ASAP2: variants seen among roughly 807,000 people sequenced by gnomAD.
The protein encoded by ASAP2 is ArfGAP with SH3 domain, ankyrin repeat and PH domain 2, also known as arf-GAP with SH3 domain, ANK repeat and PH domain-containing protein 2.
ASAP2 carries 45 observed loss-of-function variants against 131.4 expected under a neutral mutation model. The observed-to-expected ratio is 0.34, with a 90% CI of 0.27 to 0.44. The LOEUF (loss-of-function observed/expected upper bound fraction) is 0.44, where lower values mean the gene tolerates loss of function less well. ASAP2 is among the 20% of genes least tolerant of loss of function. The probability of loss-of-function intolerance (pLI) is 1.00; values close to 1 mark genes in which losing one functional copy is unlikely to be tolerated. For synonymous variants in ASAP2, 510 were observed against 503.0 expected (o/e 1.01, Z -0.19); for missense variants, 1,011 against 1,297.0 (o/e 0.78, Z 3.39).
intron 24 of ASAP2, 64 bp downstream of exon 24, chr2:9,393,711 C>G: frequency 6.8e-7 from 1 of 1,469,800 alleles, no homozygotes; most frequent in Non-Finnish European, 9.1e-7. Context: ...CTGCCCAGGG[C>G]TCTGCAGGAA....
At chr2:9,275,362 C>T (rs574489961) in intron 1 of ASAP2, among the ~76,000 whole-genome samples, 136 of 152,206 alleles carry the variant, frequency 8.9e-4, no homozygotes, top group African/African-American at 3.2e-3. Flanking sequence ...TGTGAGCTAC[C>T]GCATCCAGCC....
chr2:9,251,241 TCC>T lies in ASAP2; in HGVS notation c.127-28074_127-28073del, dbSNP rs1664684846. On this transcript the variant is annotated intron_variant, in intron 1 of 27. Coordinates refer to ENST00000281419, the MANE Select transcript of ASAP2 (RefSeq NM_003887.3). ...CAAGTAGAGGTGGGCCCTGTGGCTT[TCC>T]CTCTAGTCACTTGTCTTACAGAGAA... Among the ~76,000 whole-genome samples the T allele has an allele frequency of 2.0e-5, 3 of 152,192 alleles. No individual in the cohort carries two copies. In the South Asian group the frequency reaches 6.2e-4, roughly 32 times the overall value.
intron 1 of ASAP2, among the ~76,000 whole-genome samples, chr2:9,260,364 G>A (rs1558274905): frequency 6.6e-6 from 1 of 152,054 alleles, no homozygotes; most frequent in African/African-American, 2.4e-5. Flanking sequence ...GTGCACCTTC[G>A]GGCCCTCCCT....
At chr2:9,213,233 AGAT>A (rs1661732785) in intron 1 of ASAP2, among the ~76,000 whole-genome samples, 1 of 152,226 alleles carries the variant, frequency 6.6e-6, no homozygotes, top group South Asian at 2.1e-4. Flanking sequence ...CAGCCACAGA[AGAT>A]GTGGGAATAG....
rs762284748 is a variant in ASAP2 at position 9,356,313 on chromosome 2, G to A, written c.1295G>A (p.Gly432Asp). 2 of 1,610,422 alleles carry A rather than the reference G, an allele frequency of 1.2e-6. No individual in the cohort carries two copies. Among genetic ancestry groups the A allele is most frequent in the East Asian group, 2.2e-5 (1 of 44,876 alleles). ...EIISEVQRMTGNDVCCDCGAP... is the reference protein window; with the variant it reads ...EIISEVQRMTDNDVCCDCGAP... ...ATCTCAGAAGTGCAGAGGATGACGGGCAATGACGTCTGCTGTGACTGTGGG... is the reference window on the plus strand; with the variant it reads ...ATCTCAGAAGTGCAGAGGATGACGGACAATGACGTCTGCTGTGACTGTGGG... The change falls in exon 14 of 28, where the codon GGC becomes GAC. Residue 432 changes from glycine to aspartate, a missense_variant. Coordinates refer to ENST00000281419, the MANE Select transcript of ASAP2 (RefSeq NM_003887.3).
chr2:9,338,455 A>G (rs1226095300), intron 9 of ASAP2, among the ~76,000 whole-genome samples: 1 of 152,174 alleles, frequency 6.6e-6, no homozygotes, highest in Non-Finnish European at 1.5e-5. Flanking sequence ...CACCACAGCC[A>G]TAATTTTCTT....
chr2:9,228,169 G>A lies in ASAP2; in HGVS notation c.126+20939G>A, dbSNP rs137999103. 1.5e-3 allele frequency among the ~76,000 whole-genome samples: 230 copies of A among 152,252 alleles called. 1 individual carries two copies. Among genetic ancestry groups the A allele is most frequent in the African/African-American group, 4.2e-3 (175 of 41,538 alleles). ...TAATTCATGGTGTATGGTTGATAGG[G>A]ACATACTCTTTGGCCATATAACCTT... On this transcript the variant is annotated intron_variant, in intron 1 of 27. Coordinates refer to ENST00000281419, the MANE Select transcript of ASAP2 (RefSeq NM_003887.3).
rs1664201491 is a variant in ASAP2, at chr2:9,244,547, G to A, written c.127-34770G>A. The stretch of plus-strand genomic sequence containing the variant: ...GCACAGAGTGTGCGACACAGTTAAT[G>A]TCCACGGGAAGAGCTTGACACAAAC... On this transcript the variant is annotated intron_variant, in intron 1 of 27. Coordinates refer to ENST00000281419, the MANE Select transcript of ASAP2 (RefSeq NM_003887.3). Among the ~76,000 whole-genome samples, 9 of 152,324 alleles carry A rather than the reference G, an allele frequency of 5.9e-5. No homozygotes were observed. The South Asian group carries it at 1.9e-3, about 32-fold the overall frequency.
intron 7 of ASAP2, among the ~76,000 whole-genome samples, chr2:9,331,672 G>A (rs1241873191): frequency 6.6e-6 from 1 of 152,182 alleles, no homozygotes; most frequent in Non-Finnish European, 1.5e-5. Context: ...GGAGACTGAG[G>A]CTGGAGAATC....
intron 1 of ASAP2, among the ~76,000 whole-genome samples, chr2:9,230,767 C>T (rs548242065): frequency 2.2e-4 from 34 of 152,226 alleles, no homozygotes; most frequent in Non-Finnish European, 4.9e-4. Context: ...CCTGCATTTT[C>T]TAATCACTGG....
At chr2:9,266,956 T>C (rs957407400) in intron 1 of ASAP2, among the ~76,000 whole-genome samples, 1 of 152,180 alleles carries the variant, frequency 6.6e-6, no homozygotes, top group Non-Finnish European at 1.5e-5. Flanking sequence ...CTTCCTGTGG[T>C]CAACCAACAT....
chr2:9,364,106 A>G (rs1673278720), intron 15 of ASAP2, among the ~76,000 whole-genome samples: 1 of 152,270 alleles, frequency 6.6e-6, no homozygotes, highest in African/African-American at 2.4e-5. Context: ...TATGAAAAAC[A>G]GTATCACTGG....
chr2:9,302,897 T>G (rs1024809636), intron 3 of ASAP2, among the ~76,000 whole-genome samples: 2 of 152,274 alleles, frequency 1.3e-5, no homozygotes, highest in South Asian at 2.1e-4. Flanking sequence ...TTCTCATATG[T>G]GCTGCACCTG....
chr2:9,355,588 C>T (rs973284606), intron 12 of ASAP2, among the ~76,000 whole-genome samples: 2 of 152,206 alleles, frequency 1.3e-5, no homozygotes, highest in Admixed American at 6.5e-5. Flanking sequence ...GATTTAGCTA[C>T]ATTTCTAGTA....
At chr2:9,317,555 C>CA (rs1669836426) in intron 3 of ASAP2, among the ~76,000 whole-genome samples, 1 of 125,916 alleles carries the variant, frequency 7.9e-6, no homozygotes, top group Non-Finnish European at 1.8e-5. Flanking sequence ...CTCACATCCA[C>CA]AATCACACTC....
chr2:9,344,533 A>G lies in ASAP2; in HGVS notation c.851A>G (p.Asp284Gly). ...AACACACTCTTCACCATTTTTTAGG[A>G]CTCCCAAATTCGTCAGAGCACAGCT... ...KSALQVEQKE[D>G]SQIRQSTAYS... Residue 284 changes from aspartate (D) to glycine (G), a missense_variant and splice_region_variant, in exon 10 of 28, where the codon GAC becomes GGC. Physicochemically the swap from Asp to Gly is moderately conservative, Grantham distance 94 (BLOSUM62 -1). Around this residue, in one of 2 missense-constraint regions of ASAP2, gnomAD observed 359 missense variants for 598.1 expected, o/e 0.60. Coordinates refer to ENST00000281419, the MANE Select transcript of ASAP2 (RefSeq NM_003887.3). The G allele has an allele frequency of 6.2e-7, 1 of 1,612,436 alleles. No homozygotes were observed. Among genetic ancestry groups the G allele is most frequent in the Non-Finnish European group, 8.5e-7 (1 of 1,179,134 alleles).
chr2:9,339,793 T>A (rs535109595), intron 9 of ASAP2, among the ~76,000 whole-genome samples: 2 of 152,250 alleles, frequency 1.3e-5, no homozygotes, highest in South Asian at 2.1e-4. Context: ...AGGCTTCTCC[T>A]CTTACTCCTG....
rs527772405 is a variant in ASAP2 at position 9,288,864 on chromosome 2, C to T, written c.200-8436C>T. ...GAGCACCCCTAGGAGGGAAGCAGCT[C>T]TCTGGTTAAGGAGAGTCTAGGGTGA... On this transcript the variant is annotated intron_variant, in intron 2 of 27. Transcript: ENST00000281419. Among the ~76,000 whole-genome samples, 16 of 152,234 alleles carry T rather than the reference C, an allele frequency of 1.1e-4. No homozygotes were observed. In the South Asian group the frequency reaches 2.7e-3, roughly 26 times the overall value.
At chr2:9,366,209 G>A (rs1673463149) in intron 15 of ASAP2, among the ~76,000 whole-genome samples, 1 of 152,100 alleles carries the variant, frequency 6.6e-6, no homozygotes, top group Admixed American at 6.5e-5. Flanking sequence ...CATTGGATGA[G>A]TGTGACACAT....
Sources: gnomAD v4.1 joint callset for allele counts (sites outside exome capture counted in the v4.1 genomes callset) on GRCh38, gnomAD v4.1.1 for gene constraint, gnomAD v4.1.1 regional missense constraint, MANE v1.5 for transcripts, NCBI Gene and HGNC (gene_info 2026-07-23, HGNC 2026-07-21) for gene names.